Variants in SLIT3 observed in about 807,000 individuals in gnomAD.
SLIT3 encodes slit guidance ligand 3, also known as slit homolog 3 protein.
In SLIT3, 68 loss-of-function variants were observed where a neutral mutation model predicts 184.0. That is an observed-to-expected ratio of 0.37 (90% CI 0.30 to 0.45). SLIT3 has a LOEUF of 0.45. Among genes scored for constraint, SLIT3 ranks in the 20% least tolerant of loss-of-function variants. The pLI, the probability that SLIT3 is intolerant of heterozygous loss-of-function variation, is 1.00. For synonymous variants in SLIT3, 831 were observed against 828.6 expected (o/e 1.00, Z -0.05); for missense variants, 1,707 against 2,026.0 (o/e 0.84, Z 3.02).
At chr5:169,191,669 C>G (rs1285345172) in intron 4 of SLIT3, among the ~76,000 whole-genome samples, 3 of 152,136 alleles carry the variant, frequency 2.0e-5, no homozygotes, top group African/African-American at 7.2e-5. Context: ...GCTCTCAGGA[C>G]GTGGCAGAGG....
At chr5:169,185,341 T>G (rs1164012945) in intron 4 of SLIT3, among the ~76,000 whole-genome samples, 1 of 152,132 alleles carries the variant, frequency 6.6e-6, no homozygotes, top group Admixed American at 6.6e-5. Context: ...CGTGACCCCA[T>G]GTATGAGATG....
intron 4 of SLIT3, among the ~76,000 whole-genome samples, chr5:169,114,257 C>T (rs544730630): frequency 3.9e-5 from 6 of 152,286 alleles, no homozygotes; most frequent in South Asian, 4.1e-4. Context: ...CCGGATGCCA[C>T]GTGTTAAAGA....
At chr5:168,851,819 T>G (rs1758690070) in intron 5 of SLIT3, among the ~76,000 whole-genome samples, 2 of 152,218 alleles carry the variant, frequency 1.3e-5, no homozygotes, top group African/African-American at 4.8e-5. Flanking sequence ...GGCATTTCAT[T>G]CCCTCAACCA....
At chr5:169,191,631 GAT>G (rs1763554306) in intron 4 of SLIT3, among the ~76,000 whole-genome samples, 2 of 152,152 alleles carry the variant, frequency 1.3e-5, no homozygotes, top group African/African-American at 2.4e-5. Context: ...ATGATATTTA[GAT>G]ACCGAAGGAA....
At position 169,163,149 on chromosome 5, in the gene SLIT3, C is replaced by T. The variant is rs142867411; in HGVS notation, c.413+30330G>A. Among the ~76,000 whole-genome samples the T allele has an allele frequency of 3.9e-3, 593 of 151,978 alleles. 6 individuals carry two copies. Among genetic ancestry groups the T allele is most frequent in the African/African-American group, 0.013 (558 of 41,440 alleles). On this transcript the variant is annotated intron_variant, in intron 4 of 35. Coordinates refer to ENST00000519560, the MANE Select transcript of SLIT3 (RefSeq NM_003062.4). ...CAGCCCGGCCAACATAGTGAAACCCCGCCTCTACTAAAAATACAAAAATTA... is the reference window on the plus strand; with the variant it reads ...CAGCCCGGCCAACATAGTGAAACCCTGCCTCTACTAAAAATACAAAAATTA...
At chr5:168,828,029 G>C (rs1757759078) in intron 6 of SLIT3, among the ~76,000 whole-genome samples, 1 of 152,186 alleles carries the variant, frequency 6.6e-6, no homozygotes, top group Non-Finnish European at 1.5e-5. Context: ...CTCTGCCTTT[G>C]TCAGTGATTA....
At chr5:168,844,966 G>A (rs1005461238) in intron 5 of SLIT3, 6 of 335,244 alleles carry the variant, frequency 1.8e-5, no homozygotes, top group Admixed American at 9.4e-5. Context: ...AATCCATTAC[G>A]AGCTCTTACC....
intron 3 of SLIT3, among the ~76,000 whole-genome samples, chr5:169,237,948 G>C (rs1469013647): frequency 2.0e-5 from 3 of 152,086 alleles, no homozygotes; most frequent in Non-Finnish European, 2.9e-5. Flanking sequence ...TTCTGTATCA[G>C]CACCACTTGT....
chr5:168,922,740 C>CA (rs1244821081), intron 4 of SLIT3, among the ~76,000 whole-genome samples: 1 of 152,052 alleles, frequency 6.6e-6, no homozygotes, highest in African/African-American at 2.4e-5. Flanking sequence ...CTTGATCAGG[C>CA]AGTGATGTAT....
At chr5:168,926,562 A>G (rs886600057) in intron 4 of SLIT3, among the ~76,000 whole-genome samples, 3 of 152,212 alleles carry the variant, frequency 2.0e-5, no homozygotes, top group Non-Finnish European at 4.4e-5. Context: ...CTACCGGCAG[A>G]CCTATATTTC....
chr5:169,187,216 C>G (rs988966364), intron 4 of SLIT3, among the ~76,000 whole-genome samples: 1 of 140,748 alleles, frequency 7.1e-6, no homozygotes, highest in Non-Finnish European at 1.5e-5. Context: ...TGGGTTCAAG[C>G]GATTCTCCTG....
chr5:169,122,006 C>G (rs1196199043), intron 4 of SLIT3, among the ~76,000 whole-genome samples: 1 of 152,222 alleles, frequency 6.6e-6, no homozygotes, highest in Admixed American at 6.5e-5. Context: ...AATGGTAGCT[C>G]CTTTTACCAT....
chr5:168,687,249 G>A, intron 29 of SLIT3, 133 bp from the exon 30 acceptor site: 1 of 1,003,364 alleles, frequency 1.0e-6, no homozygotes. Flanking sequence ...GATCTGCAAA[G>A]CCTGGCTCCA....
intron 2 of SLIT3, among the ~76,000 whole-genome samples, chr5:169,249,494 CT>C (rs1273714927): frequency 1.3e-5 from 2 of 152,026 alleles, no homozygotes; most frequent in African/African-American, 4.8e-5. Context: ...ATTAGTCTTT[CT>C]GATGTAACGC....
intron 1 of SLIT3, among the ~76,000 whole-genome samples, chr5:169,293,144 G>C (rs1767405901): frequency 6.6e-6 from 1 of 152,152 alleles, no homozygotes; most frequent in Non-Finnish European, 1.5e-5. Context: ...TAAATGGGTG[G>C]TGAGAAACAC....
chr5:169,108,447 G>T (rs1307874194), intron 4 of SLIT3, among the ~76,000 whole-genome samples: 1 of 152,236 alleles, frequency 6.6e-6, no homozygotes, highest in Non-Finnish European at 1.5e-5. Context: ...CTTTCAGAGA[G>T]ATGTTCCTCC....
At chr5:169,001,457 C>T (rs1755699998) in intron 4 of SLIT3, among the ~76,000 whole-genome samples, 1 of 152,082 alleles carries the variant, frequency 6.6e-6, no homozygotes, top group Non-Finnish European at 1.5e-5. Context: ...ACAAGAAGTA[C>T]AGGCACATAG....
chr5:169,246,972 T>A (rs1765614955), intron 2 of SLIT3, among the ~76,000 whole-genome samples: 1 of 132,020 alleles, frequency 7.6e-6, no homozygotes, highest in Non-Finnish European at 1.6e-5. Context: ...GGCTCACGCC[T>A]GTAATCCCAA....
intron 4 of SLIT3, among the ~76,000 whole-genome samples, chr5:169,010,942 G>A (rs1756120462): frequency 6.6e-6 from 1 of 151,578 alleles, no homozygotes; most frequent in Admixed American, 6.6e-5. Flanking sequence ...TATTTTTAGA[G>A]TGCTTTACAG....
Sources: gnomAD v4.1 joint callset for allele counts (sites outside exome capture counted in the v4.1 genomes callset) on GRCh38, gnomAD v4.1.1 for gene constraint, MANE v1.5 for transcripts, NCBI Gene and HGNC (gene_info 2026-07-23, HGNC 2026-07-21) for gene names.